ASPRV1: variants seen among roughly 807,000 people sequenced by gnomAD.
The protein encoded by ASPRV1 is retroviral-like aspartic protease 1.
A neutral mutation model predicts 11.0 loss-of-function variants in ASPRV1; 7 were observed. The observed-to-expected ratio is 0.64, with a 90% confidence interval of 0.36 to 1.20. The LOEUF (loss-of-function observed/expected upper bound fraction) is 1.20, where lower values mean the gene tolerates loss of function less well. Ranked by LOEUF, ASPRV1 falls within the 50% of genes most tolerant of loss-of-function variation. The pLI is 0.02. For synonymous variants in ASPRV1, 136 were observed against 138.4 expected (o/e 0.98, Z 0.12); for missense variants, 299 against 320.0 (o/e 0.93, Z 0.50).
the ASPRV1 span, among the ~76,000 whole-genome samples, chr2:69,987,694 G>A: frequency 6.6e-6 from 1 of 152,062 alleles, no homozygotes; most frequent in African/African-American, 2.4e-5. Flanking sequence ...AGGCTGTAGT[G>A]AGCTATGATC....
the ASPRV1 span, among the ~76,000 whole-genome samples, chr2:69,990,672 C>A: frequency 3.9e-5 from 6 of 152,110 alleles, no homozygotes; most frequent in African/African-American, 1.4e-4. Context: ...CCAGGCTGGT[C>A]TCTAAGTCCT....
At chr2:70,066,397 C>G in the ASPRV1 span, among the ~76,000 whole-genome samples, 18 of 151,666 alleles carry the variant, frequency 1.2e-4, no homozygotes, top group Non-Finnish European at 2.7e-4. Flanking sequence ...TGCCACCACG[C>G]CCAGCTAATT....
At chr2:70,035,826 T>A in the ASPRV1 span, among the ~76,000 whole-genome samples, 7 of 151,490 alleles carry the variant, frequency 4.6e-5, no homozygotes, top group Non-Finnish European at 1.0e-4. Context: ...CAAGTGGAGG[T>A]ACCATGGAAT....
rs1453403361 is a variant in ASPRV1 at position 69,960,770 on chromosome 2, C to T, written c.667G>A (p.Gly223Arg). ...ACAGGCAGAAGGCGAAACTTCTTCC[C>T]TTTCAGGGTGCATGTGCGGTGCTCA... ...DFEHRTCTLK[G>R]KKFRLLPVGG... Residue 223 changes from glycine to arginine, a missense_variant, in exon 1 of 1, where the codon GGG becomes AGG. Coordinates refer to ENST00000320256, the MANE Select transcript of ASPRV1 (RefSeq NM_152792.4). The T allele has an allele frequency of 1.2e-6, 2 of 1,614,172 alleles. No individual in the cohort carries two copies. The highest frequency in any genetic ancestry group is 2.2e-5 in the South Asian group (2 of 91,076).
the ASPRV1 span, among the ~76,000 whole-genome samples, chr2:69,982,423 T>C: frequency 1.3e-5 from 2 of 152,086 alleles, no homozygotes; most frequent in African/African-American, 4.8e-5. Flanking sequence ...GCCACTGCAC[T>C]CCAGCCTGGG....
At chr2:69,990,470 C>T in the ASPRV1 span, among the ~76,000 whole-genome samples, 4 of 152,108 alleles carry the variant, frequency 2.6e-5, no homozygotes, top group African/African-American at 9.7e-5. Flanking sequence ...AGGCATGAGC[C>T]ACTGTGCCCA....
At chr2:69,970,670 C>T in the ASPRV1 span, 2 of 152,338 alleles carry the variant, frequency 1.3e-5, no homozygotes, top group African/African-American at 4.8e-5. Context: ...TGAGTTGCAG[C>T]ACTGGTACAG....
chr2:70,086,848 G>A, the ASPRV1 span: 7 of 152,256 alleles, frequency 4.6e-5, no homozygotes, highest in African/African-American at 1.7e-4. Flanking sequence ...GATTCGGCAG[G>A]CGGCCGTGAG....
the ASPRV1 span, chr2:69,938,331 T>C: frequency 1.9e-6 from 3 of 1,594,534 alleles, no homozygotes; most frequent in Non-Finnish European, 2.6e-6. Flanking sequence ...CCCTGTTGGT[T>C]CTGATTAGGT....
chr2:70,003,989 C>T, the ASPRV1 span, among the ~76,000 whole-genome samples: 22 of 152,266 alleles, frequency 1.4e-4, no homozygotes, highest in East Asian at 4.2e-3. Context: ...TAAATCTCTG[C>T]TCATTATAAA....
the ASPRV1 span, among the ~76,000 whole-genome samples, chr2:70,009,343 T>TTTAG: frequency 6.6e-6 from 1 of 151,592 alleles, no homozygotes; most frequent in Non-Finnish European, 1.5e-5. Flanking sequence ...TATTTATTTA[T>TTTAG]TTTAGAGATG....
the ASPRV1 span, among the ~76,000 whole-genome samples, chr2:70,024,525 T>A: frequency 6.6e-6 from 1 of 152,126 alleles, no homozygotes; most frequent in Non-Finnish European, 1.5e-5. Flanking sequence ...CCTACTTGCC[T>A]CCCCAAGGGG....
At chr2:69,970,602 T>G in the ASPRV1 span, among the ~76,000 whole-genome samples, 1 of 152,080 alleles carries the variant, frequency 6.6e-6, no homozygotes, top group Non-Finnish European at 1.5e-5. Context: ...CCTAGCAAAC[T>G]CAGGGTCTCC....
At chr2:69,979,864 C>G in the ASPRV1 span, among the ~76,000 whole-genome samples, 20 of 152,334 alleles carry the variant, frequency 1.3e-4, no homozygotes, top group African/African-American at 4.6e-4. Context: ...CCCTTCACCA[C>G]ATTGCTCTCT....
the ASPRV1 span, chr2:70,011,681 T>A: frequency 6.6e-6 from 1 of 152,322 alleles, no homozygotes; most frequent in Non-Finnish European, 1.5e-5. Flanking sequence ...TGGAAAGGTC[T>A]CAGGTGGAAC....
the ASPRV1 span, among the ~76,000 whole-genome samples, chr2:69,980,212 T>C: frequency 6.6e-6 from 1 of 152,158 alleles, no homozygotes; most frequent in Admixed American, 6.5e-5. Context: ...GTGTGTCACC[T>C]TGAGTGGAAG....
chr2:69,999,885 C>T, the ASPRV1 span, among the ~76,000 whole-genome samples: 1 of 151,896 alleles, frequency 6.6e-6, no homozygotes, highest in African/African-American at 2.4e-5. Flanking sequence ...CCCCGGGCTC[C>T]TCCTCCTTCC....
the ASPRV1 span, among the ~76,000 whole-genome samples, chr2:69,971,678 C>T: frequency 1.3e-5 from 2 of 152,146 alleles, no homozygotes; most frequent in South Asian, 2.1e-4. Context: ...TTGGGGAGGC[C>T]GGAGATGTGA....
At chr2:70,033,682 A>T in the ASPRV1 span, among the ~76,000 whole-genome samples, 2 of 152,206 alleles carry the variant, frequency 1.3e-5, no homozygotes, top group East Asian at 3.9e-4. Flanking sequence ...CCCTATGAAT[A>T]TGAATTAAGC....
Sources: gnomAD v4.1 joint callset for allele counts (sites outside exome capture counted in the v4.1 genomes callset) on GRCh38, gnomAD v4.1.1 for gene constraint, MANE v1.5 for transcripts, NCBI Gene and HGNC (gene_info 2026-07-23, HGNC 2026-07-21) for gene names.